NWD1: variants seen among roughly 807,000 people sequenced by gnomAD.
The protein encoded by NWD1 is NACHT and WD repeat domain containing 1, also known as NACHT domain- and WD repeat-containing protein 1.
In NWD1, 129 loss-of-function variants were observed where a neutral mutation model predicts 135.1. The ratio of observed to expected loss-of-function variants is 0.96; its 90% CI spans 0.83 to 1.11. The LOEUF is 1.11. Among genes scored for constraint, NWD1 ranks in the 50% least tolerant of loss-of-function variants. NWD1 has a pLI of 0.00. For missense variants in NWD1, 1,740 were observed against 1,851.3 expected, an observed-to-expected ratio of 0.94 and a Z score of 1.10; for synonymous variants, 773 against 786.0, an observed-to-expected ratio of 0.98 and a Z score of 0.28.
intron 15 of NWD1, 104 bp from the exon 16 acceptor site, chr19:16,797,628 A>G (rs1236142006): frequency 5.5e-6 from 6 of 1,093,292 alleles, no homozygotes; most frequent in Non-Finnish European, 8.1e-6. Flanking sequence ...GATTACAGGC[A>G]TGAACCACCA....
intron 6 of NWD1, among the ~76,000 whole-genome samples, chr19:16,750,964 G>A (rs1968554159): frequency 1.3e-5 from 2 of 152,164 alleles, no homozygotes; most frequent in African/African-American, 2.4e-5. Flanking sequence ...GCTCACACCT[G>A]TAATTCCAGC....
chr19:16,745,496 A>G (rs1968273300), intron 5 of NWD1, among the ~76,000 whole-genome samples: 4 of 151,540 alleles, frequency 2.6e-5, no homozygotes. Flanking sequence ...TGGAAGGCCG[A>G]GGCAGGAGAA....
intron 15 of NWD1, 35 bp from the exon 16 acceptor site, chr19:16,797,697 C>T: frequency 1.3e-6 from 2 of 1,598,240 alleles, no homozygotes; most frequent in Non-Finnish European, 1.7e-6. Flanking sequence ...CTCCTCTGGA[C>T]ATGAGAGGTG....
intron 14 of NWD1, among the ~76,000 whole-genome samples, chr19:16,791,968 C>T (rs552804719): frequency 6.6e-6 from 1 of 152,242 alleles, no homozygotes; most frequent in South Asian, 2.1e-4. Context: ...CCCACCTCGG[C>T]CTCCCAGAGT....
intron 9 of NWD1, 24 bp from the exon 10 acceptor site, chr19:16,765,010 A>G: frequency 6.2e-7 from 1 of 1,612,788 alleles, no homozygotes; most frequent in Non-Finnish European, 8.5e-7. Context: ...CACTTCCCAC[A>G]TCCTCCCCCC....
At chr19:16,790,231 T>C (rs753785552) in intron 13 of NWD1, among the ~76,000 whole-genome samples, 3 of 152,192 alleles carry the variant, frequency 2.0e-5, no homozygotes, top group Non-Finnish European at 2.9e-5. Context: ...CTCAGTGACC[T>C]TGGTTGTGTC....
chr19:16,753,850 C>CATCT (rs1394280265), intron 6 of NWD1, among the ~76,000 whole-genome samples: 1 of 151,252 alleles, frequency 6.6e-6, no homozygotes, highest in African/African-American at 2.4e-5. Context: ...TCCATCCATC[C>CATCT]ATCCATCCAT....
At position 16,749,601 on chromosome 19, in the gene NWD1, C is replaced by G; in HGVS notation, c.959C>G (p.Ala320Gly). The change falls in exon 6 of 19, where the codon GCC (alanine) becomes GGC (glycine). Residue 320 changes from alanine to glycine, a missense_variant. Physicochemically the swap from Ala to Gly is moderately conservative, Grantham distance 60 (BLOSUM62 0). Transcript: ENST00000524140. ...QTFCGRQELL[A>G]RLGQQLRHDD... Reference sequence around the variant, plus strand: ...TTCTGCGGACGCCAGGAACTCCTGGCCCGGCTTGGGCAGCAGCTCAGGCAC... The same window carrying G: ...TTCTGCGGACGCCAGGAACTCCTGGGCCGGCTTGGGCAGCAGCTCAGGCAC... The G allele has an allele frequency of 6.2e-7, 1 of 1,612,934 alleles. No homozygotes were observed. The highest frequency in any genetic ancestry group is 8.5e-7 in the Non-Finnish European group (1 of 1,179,140).
intron 3 of NWD1, among the ~76,000 whole-genome samples, chr19:16,733,927 C>T (rs1202288766): frequency 2.0e-5 from 3 of 152,000 alleles, no homozygotes; most frequent in Non-Finnish European, 2.9e-5. Context: ...GCTGGCCTCT[C>T]ACCACTTGTC....
chr19:16,721,601 T>C (rs1047124940), intron 1 of NWD1: 3 of 145,778 alleles, frequency 2.1e-5, no homozygotes, highest in Admixed American at 7.2e-5. Context: ...AGGCTGCAGC[T>C]AAACTGTGGT....
intron 10 of NWD1, among the ~76,000 whole-genome samples, chr19:16,767,649 A>G (rs913689238): frequency 6.6e-6 from 1 of 151,678 alleles, no homozygotes; most frequent in Non-Finnish European, 1.5e-5. Flanking sequence ...TCTCGTGAAA[A>G]CTCACTGTCA....
chr19:16,750,164 C>A lies in NWD1; in HGVS notation c.1522C>A (p.Leu508Met), dbSNP rs368064624. 3.7e-5 allele frequency: 60 copies of A among 1,613,688 alleles called. No individual in the cohort carries two copies. In the African/African-American group the frequency reaches 7.6e-4, roughly 20 times the overall value. The change falls in exon 6 of 19, where the codon CTG becomes ATG. Residue 508 changes from leucine to methionine, a missense_variant. Coordinates refer to ENST00000524140, the MANE Select transcript of NWD1 (RefSeq NM_001007525.5). The stretch of plus-strand genomic sequence containing the variant: ...AGGCCAGCAGATGATCCAACTCCTG[C>A]TGGCAGCTGCAAGGAGGACGCTGAG... ...NQGQQMIQLL[L>M]AAARRTLSPV... is the part of the protein sequence containing the mutation.
intron 9 of NWD1, among the ~76,000 whole-genome samples, chr19:16,764,373 A>G (rs529851877): frequency 0.012 from 1,423 of 123,100 alleles, 27 homozygotes; most frequent in African/African-American, 0.049. Context: ...CCATCCATCC[A>G]TCCATCCATC....
chr19:16,792,617 G>A (rs951318840), intron 14 of NWD1, among the ~76,000 whole-genome samples: 2 of 152,070 alleles, frequency 1.3e-5, no homozygotes, highest in African/African-American at 2.4e-5. Flanking sequence ...AGGAGGTGGA[G>A]GATGCAGTGA....
chr19:16,762,228 A>G, intron 8 of NWD1, 90 bp downstream of exon 8: 1 of 1,192,112 alleles, frequency 8.4e-7, no homozygotes, highest in African/African-American at 1.5e-5. Flanking sequence ...TGCACTCGAA[A>G]TGTCCTCCCG....
intron 7 of NWD1, among the ~76,000 whole-genome samples, chr19:16,759,692 C>T (rs1241508817): frequency 3.9e-5 from 6 of 152,186 alleles, no homozygotes; most frequent in Middle Eastern, 3.4e-3. Flanking sequence ...GCCTGGGCAA[C>T]GTAGCGAGGC....
At chr19:16,738,782 A>AAC (rs1967952757) in intron 4 of NWD1, among the ~76,000 whole-genome samples, 1 of 63,408 alleles carries the variant, frequency 1.6e-5, no homozygotes. Context: ...TATAATATAT[A>AAC]ATATATAATA....
chr19:16,752,754 TGG>T (rs2122828181), intron 6 of NWD1, among the ~76,000 whole-genome samples: 1 of 152,204 alleles, frequency 6.6e-6, no homozygotes, highest in South Asian at 2.1e-4. Context: ...CCCAGCACTT[TGG>T]GAGGCCAAGG....
At chr19:16,761,376 C>CTTTCTTTCTTTCTTTCTT (rs1969006318) in intron 7 of NWD1, among the ~76,000 whole-genome samples, 1 of 151,258 alleles carries the variant, frequency 6.6e-6, no homozygotes, top group Admixed American at 6.6e-5. Context: ...TTCCTTCTTT[C>CTTTCTTTCTTTCTTTCTT]TCTTTTTTTC....
Sources: allele counts gnomAD v4.1 joint callset (sites outside exome capture counted in the v4.1 genomes callset), GRCh38; gene constraint gnomAD v4.1.1; transcripts MANE v1.5; gene names NCBI Gene and HGNC (gene_info 2026-07-23, HGNC 2026-07-21).